Variants in ERGIC2 observed in about 807,000 individuals in gnomAD.
ERGIC2 encodes endoplasmic reticulum-Golgi intermediate compartment protein 2.
ERGIC2 carries 31 observed loss-of-function variants against 52.5 expected under a neutral mutation model. The ratio of observed to expected loss-of-function variants is 0.59; its 90% CI spans 0.44 to 0.80. The LOEUF (loss-of-function observed/expected upper bound fraction) is 0.80, where lower values mean the gene tolerates loss of function less well. ERGIC2 is among the 30% of genes least tolerant of loss of function. ERGIC2 has a pLI of 0.00. For synonymous variants in ERGIC2, 129 were observed against 140.6 expected (o/e 0.92, Z 0.58); for missense variants, 395 against 455.2 (o/e 0.87, Z 1.20).
chr12:29,363,835 GA>G (rs71042988), intron 5 of ERGIC2, among the ~76,000 whole-genome samples: 60,925 of 129,362 alleles, frequency 0.47, 14,686 homozygotes, highest in Admixed American at 0.61. Context: ...TCATAAATGT[GA>G]AAAAAAAAAA....
In ERGIC2 at chr12:29,340,813, G is replaced by T; in HGVS notation, c.*343C>A. 2.3e-6 allele frequency: 1 copy of T among 434,858 alleles called. No individual in the cohort carries two copies. The highest frequency in any genetic ancestry group is 4.4e-6 in the Non-Finnish European group (1 of 225,844). The allele number at this position is 434,858 out of a possible 1,614,324, so 26.9% of individuals were successfully genotyped here. ...TGTTTTTTTTTTTCCCATAGATGTA[G>T]TTTCACTTATTTCCTTCAGGCTTTT... On this transcript the variant is annotated 3_prime_UTR_variant, in exon 14 of 14. Transcript: ENST00000360150.
At chr12:29,371,723 G>A in intron 1 of ERGIC2, 53 bp from the exon 2 acceptor site, 2 of 816,936 alleles carry the variant, frequency 2.4e-6, no homozygotes, top group Non-Finnish European at 3.8e-6. Flanking sequence ...AGATAAAAAG[G>A]TTTCTTTAAA....
At chr12:29,375,565 A>G (rs1421066005) in intron 1 of ERGIC2, among the ~76,000 whole-genome samples, 1 of 152,186 alleles carries the variant, frequency 6.6e-6, no homozygotes, top group Non-Finnish European at 1.5e-5. Context: ...CAAATGAATA[A>G]AACAGTGAAT....
In ERGIC2 at chr12:29,376,520, C is replaced by T. The variant is rs150031651; in HGVS notation, c.-38+4595G>A. The stretch of plus-strand genomic sequence containing the variant: ...TTAACAGCGCTTCTCCTCCTGTGAC[C>T]TCCATCTTAATTCTATGGAAAGCCA... On this transcript the variant is annotated intron_variant, in intron 1 of 13. Transcript: ENST00000360150. 2.5e-3 allele frequency among the ~76,000 whole-genome samples: 375 copies of T among 152,268 alleles called. 5 individuals carry two copies. Among genetic ancestry groups the T allele is most frequent in the South Asian group, 2.1e-3 (10 of 4,830 alleles).
At chr12:29,345,351 A>G (rs1293084076) in intron 11 of ERGIC2, 92 bp downstream of exon 11, 11 of 709,788 alleles carry the variant, frequency 1.5e-5, no homozygotes, top group Middle Eastern at 4.9e-4. Context: ...GAAGACACCA[A>G]GTAAAACACC....
At chr12:29,378,295 G>A (rs1299014211) in intron 1 of ERGIC2, among the ~76,000 whole-genome samples, 1 of 152,160 alleles carries the variant, frequency 6.6e-6, no homozygotes, top group Non-Finnish European at 1.5e-5. Context: ...GTCAAAGAAG[G>A]ATTCTTTCCT....
intron 3 of ERGIC2, among the ~76,000 whole-genome samples, chr12:29,368,563 A>G (rs1038440504): frequency 3.3e-5 from 5 of 151,858 alleles, no homozygotes; most frequent in African/African-American, 1.2e-4. Context: ...GCAACTCAGA[A>G]AAAGTCTTAA....
intron 2 of ERGIC2, 40 bp downstream of exon 2, chr12:29,371,488 T>A: frequency 7.7e-7 from 1 of 1,307,156 alleles, no homozygotes; most frequent in Non-Finnish European, 1.1e-6. Flanking sequence ...ACGCAGAAGT[T>A]GTACTTACTA....
chr12:29,368,888 C>T (rs1262360539), intron 3 of ERGIC2, among the ~76,000 whole-genome samples: 1 of 151,842 alleles, frequency 6.6e-6, no homozygotes, highest in East Asian at 1.9e-4. Context: ...AACCAAACTA[C>T]CAAAAGTAAA....
In ERGIC2 at chr12:29,342,022, C is replaced by CT. The variant is rs547754640; in HGVS notation, c.989-207dup. Among the ~76,000 whole-genome samples the CT allele has an allele frequency of 1.4e-3, 205 of 147,588 alleles. 2 individuals carry two copies. Among genetic ancestry groups the CT allele is most frequent in the African/African-American group, 4.3e-3 (173 of 40,444 alleles). On this transcript the variant is annotated intron_variant, in intron 12 of 13. Coordinates refer to ENST00000360150, the MANE Select transcript of ERGIC2 (RefSeq NM_016570.3). ...ACATAATTCACGATCTCAGCACAAT[C>CT]TTTTTTTTTTTGAGACGTCTCACTC... is the stretch of plus-strand genomic sequence containing the variant.
At chr12:29,356,061 G>A (rs1046745333) in intron 8 of ERGIC2, among the ~76,000 whole-genome samples, 4 of 151,096 alleles carry the variant, frequency 2.6e-5, no homozygotes, top group African/African-American at 7.3e-5. Flanking sequence ...TTTGCTCATC[G>A]CCCAGGCTGT....
chr12:29,341,372 T>C (rs1949838881), intron 13 of ERGIC2, among the ~76,000 whole-genome samples, 154 bp from the exon 14 acceptor site: 1 of 151,836 alleles, frequency 6.6e-6, no homozygotes, highest in South Asian at 2.1e-4. Context: ...TATCTCTCTA[T>C]CTCTATCTTT....
intron 1 of ERGIC2, chr12:29,380,866 T>TG (rs1940578767): frequency 6.6e-6 from 1 of 152,106 alleles, no homozygotes; most frequent in African/African-American, 2.4e-5. Context: ...CTCCTTCGAG[T>TG]TGCAGGATAG....
intron 1 of ERGIC2, among the ~76,000 whole-genome samples, chr12:29,374,569 C>T (rs1940488402): frequency 6.6e-6 from 1 of 152,178 alleles, no homozygotes; most frequent in Non-Finnish European, 1.5e-5. Context: ...ATTCCAAACA[C>T]AATTCAGACT....
intron 5 of ERGIC2, among the ~76,000 whole-genome samples, chr12:29,363,653 C>T (rs902685346): frequency 1.3e-5 from 2 of 151,856 alleles, no homozygotes; most frequent in Non-Finnish European, 1.5e-5. Flanking sequence ...ACAATACTGT[C>T]CCAACTGCTT....
intron 8 of ERGIC2, among the ~76,000 whole-genome samples, chr12:29,350,938 C>T (rs866917267): frequency 7.2e-5 from 11 of 151,944 alleles, no homozygotes; most frequent in South Asian, 2.1e-4. Flanking sequence ...ATTGGTTTTC[C>T]CTTATACTTT....
chr12:29,350,341 A>G (rs188115776), intron 8 of ERGIC2, among the ~76,000 whole-genome samples: 1 of 152,256 alleles, frequency 6.6e-6, no homozygotes, highest in Non-Finnish European at 1.5e-5. Flanking sequence ...ATGTAGTTAC[A>G]TAATGAGAAA....
At chr12:29,357,313 T>C (rs750044800) in intron 7 of ERGIC2, among the ~76,000 whole-genome samples, 12 of 152,100 alleles carry the variant, frequency 7.9e-5, no homozygotes, top group Non-Finnish European at 1.0e-4. Flanking sequence ...TAAAACAAAA[T>C]TTCTAACCAA....
rs567720959 is a variant in ERGIC2, at chr12:29,350,219, T to G, written c.573-151A>C. On this transcript the variant is annotated intron_variant, in intron 8 of 13. Transcript: ENST00000360150. ...GGCCTATTGACTGAGCAGACAAGTC[T>G]ACTCATCTCAGCAATGCAATAAACT... 5.7e-5 allele frequency: 31 copies of G among 546,332 alleles called. No homozygotes were observed. The East Asian group carries it at 9.2e-4, about 16-fold the overall frequency. The allele number at this position is 546,332 out of a possible 1,614,324, so 33.8% of individuals were successfully genotyped here.
Sources: allele counts gnomAD v4.1 joint callset (sites outside exome capture counted in the v4.1 genomes callset), GRCh38; gene constraint gnomAD v4.1.1; transcripts MANE v1.5; gene names NCBI Gene and HGNC (gene_info 2026-07-23, HGNC 2026-07-21).